The following CMTM7 variants were observed in gnomAD, a reference collection of about 807,000 sequenced individuals.
CMTM7 encodes the protein CKLF like MARVEL transmembrane domain containing 7, also known as CKLF-like MARVEL transmembrane domain-containing protein 7.
In CMTM7, 7 loss-of-function variants were observed where a neutral mutation model predicts 19.3. The observed-to-expected ratio is 0.36, with a 90% CI of 0.21 to 0.68. The LOEUF (loss-of-function observed/expected upper bound fraction) is 0.68, where lower values mean the gene tolerates loss of function less well. CMTM7 is among the 30% of genes least tolerant of loss of function. The pLI is 0.60. For missense variants in CMTM7, 193 were observed against 232.6 expected (o/e 0.83, Z 1.11); for synonymous variants, 87 against 99.3 (o/e 0.88, Z 0.74).
intron 1 of CMTM7, among the ~76,000 whole-genome samples, chr3:32,436,376 G>T (rs1488930566): frequency 6.6e-6 from 1 of 152,132 alleles, no homozygotes; most frequent in Non-Finnish European, 1.5e-5. Flanking sequence ...TACACTCAGT[G>T]CAAAATTCAG....
intron 1 of CMTM7, among the ~76,000 whole-genome samples, chr3:32,408,121 G>A (rs951591230): frequency 2.6e-5 from 4 of 152,154 alleles, no homozygotes; most frequent in Non-Finnish European, 4.4e-5. Context: ...AGAGAGTGGC[G>A]ATGCGTCAAG....
rs534891118 is a variant in CMTM7, at chr3:32,449,745, G to C, written c.432+193G>C. 3.3e-5 allele frequency among the ~76,000 whole-genome samples: 5 copies of C among 152,242 alleles called. No homozygotes were observed. The South Asian group carries it at 1.0e-3, about 32-fold the overall frequency. ...TACAGTCCCAGAAGGTGGATTGTCA[G>C]GGCTGCCAGCAAATTCATAGACCCC... On this transcript the variant is annotated intron_variant, in intron 3 of 4. Transcript: ENST00000334983. This position sits in a 1 kb window ranked among gnomAD's most constrained non-coding sequence, Gnocchi z 4.5.
At chr3:32,419,308 C>T (rs904227879) in intron 1 of CMTM7, among the ~76,000 whole-genome samples, 1 of 152,206 alleles carries the variant, frequency 6.6e-6, no homozygotes, top group African/African-American at 2.4e-5. Context: ...GGATTTTCTA[C>T]ATAGATCATT....
Position 32,441,929 on chromosome 3 carries a change from C to T in CMTM7, c.249C>T (p.Cys83=), listed in dbSNP as rs144740563. The change falls in exon 2 of 5, where the codon TGC becomes TGT. Residue 83 remains cysteine (C), a synonymous_variant. Coordinates refer to ENST00000334983, the MANE Select transcript of CMTM7 (RefSeq NM_138410.4). The part of the protein sequence containing the change: ...AYSYFEVVTI[C]DLIMILAFYL... ...GCTACTTTGAAGTGGTCACCATTTG[C>T]GACTTGATAATGATCCTCGCCTTTT... 4.3e-6 allele frequency: 7 copies of T among 1,614,140 alleles called. No individual in the cohort carries two copies. The highest frequency in any genetic ancestry group is 2.2e-5 in the East Asian group (1 of 44,876).
In CMTM7 at chr3:32,403,960, G is replaced by A. The variant is rs112275932; in HGVS notation, c.159+11895G>A. Among the ~76,000 whole-genome samples the A allele has an allele frequency of 5.9e-3, 899 of 152,132 alleles. 13 individuals carry two copies. Among genetic ancestry groups the A allele is most frequent in the African/African-American group, 0.02 (846 of 41,476 alleles). On this transcript the variant is annotated intron_variant, in intron 1 of 4. Transcript: ENST00000334983. ...CTCACTGGGGTATTGAACGGACTAA[G>A]TATACACCATATTTTAGGAAGCATT...
chr3:32,434,602 TTTTC>T (rs140581432), intron 1 of CMTM7, among the ~76,000 whole-genome samples: 85,480 of 128,898 alleles, frequency 0.66, 25,705 homozygotes, highest in South Asian at 0.71. Flanking sequence ...GCCTCTTTTC[TTTTC>T]TTTTTTTTTT....
intron 1 of CMTM7, among the ~76,000 whole-genome samples, chr3:32,429,662 G>A (rs532539780): frequency 3.4e-5 from 5 of 148,618 alleles, no homozygotes; most frequent in African/African-American, 1.0e-4. Flanking sequence ...GTGCAGTGGC[G>A]CGATCTTGGC....
At chr3:32,447,914 A>G (rs937222176) in intron 2 of CMTM7, among the ~76,000 whole-genome samples, 14 of 152,288 alleles carry the variant, frequency 9.2e-5, no homozygotes, top group African/African-American at 3.1e-4. Context: ...TTCACACTTA[A>G]CACTATTACC....
At chr3:32,416,316 C>A (rs1169986259) in intron 1 of CMTM7, among the ~76,000 whole-genome samples, 3 of 151,036 alleles carry the variant, frequency 2.0e-5, no homozygotes, top group African/African-American at 7.3e-5. Context: ...CTGCCTCAGC[C>A]TCCTGAGTAG....
intron 4 of CMTM7, among the ~76,000 whole-genome samples, chr3:32,453,970 A>G (rs947323116): frequency 1.3e-5 from 2 of 152,258 alleles, no homozygotes; most frequent in Non-Finnish European, 2.9e-5. Context: ...AAGAATCACC[A>G]AAAGAAATGG....
chr3:32,443,597 C>G (rs1299112426), intron 2 of CMTM7, among the ~76,000 whole-genome samples: 1 of 152,166 alleles, frequency 6.6e-6, no homozygotes, highest in African/African-American at 2.4e-5. Context: ...AGGGGAATTA[C>G]TGAGTCATAT....
intron 1 of CMTM7, among the ~76,000 whole-genome samples, chr3:32,408,762 A>ACTG (rs1696126496): frequency 1.5e-4 from 23 of 152,328 alleles, no homozygotes; most frequent in Admixed American, 1.1e-3. Context: ...TGCAGCCCAA[A>ACTG]AACATATGTA....
At chr3:32,403,655 C>T (rs1463513233) in intron 1 of CMTM7, among the ~76,000 whole-genome samples, 4 of 152,112 alleles carry the variant, frequency 2.6e-5, no homozygotes, top group African/African-American at 9.7e-5. Flanking sequence ...CCAGGTGGTC[C>T]AAGTCCACCA....
intron 2 of CMTM7, among the ~76,000 whole-genome samples, chr3:32,448,590 G>A (rs904617406): frequency 2.0e-5 from 3 of 152,144 alleles, no homozygotes; most frequent in East Asian, 1.9e-4. Context: ...GCTTTCCCTC[G>A]CCACTGAAAG....
chr3:32,444,298 A>G (rs1258876458), intron 2 of CMTM7, among the ~76,000 whole-genome samples: 1 of 152,238 alleles, frequency 6.6e-6, no homozygotes, highest in Non-Finnish European at 1.5e-5. Flanking sequence ...TCCCAGCATC[A>G]TATGTTGAAA....
intron 1 of CMTM7, among the ~76,000 whole-genome samples, chr3:32,403,208 TTTG>T (rs1696035672): frequency 6.6e-6 from 1 of 152,180 alleles, no homozygotes; most frequent in Non-Finnish European, 1.5e-5. Context: ...TGTTTTGCTT[TTTG>T]TTGTTCTTGT....
chr3:32,452,295 C>A, intron 3 of CMTM7, 97 bp from the exon 4 acceptor site: 1 of 1,604,066 alleles, frequency 6.2e-7, no homozygotes, highest in Non-Finnish European at 8.5e-7. Context: ...TGGCCAGAGA[C>A]ATGAAGGGAA....
chr3:32,439,242 C>G (rs893612816), intron 1 of CMTM7, among the ~76,000 whole-genome samples: 1 of 152,170 alleles, frequency 6.6e-6, no homozygotes, highest in Non-Finnish European at 1.5e-5. Flanking sequence ...TGTTGAGGGA[C>G]TCTTTGTGTC....
At chr3:32,447,669 G>T (rs1696771423) in intron 2 of CMTM7, among the ~76,000 whole-genome samples, 1 of 151,860 alleles carries the variant, frequency 6.6e-6, no homozygotes, top group Admixed American at 6.6e-5. Flanking sequence ...GCTTTTCATT[G>T]TTATAAAATG....
Sources: allele counts gnomAD v4.1 joint callset (sites outside exome capture counted in the v4.1 genomes callset), GRCh38; gene constraint gnomAD v4.1.1; non-coding constraint Gnocchi (gnomAD v3.1); transcripts MANE v1.5; gene names NCBI Gene and HGNC (gene_info 2026-07-23, HGNC 2026-07-21).